The following ATRNL1 variants were observed in gnomAD, a reference collection of about 807,000 sequenced individuals.
ATRNL1 encodes attractin-like protein 1.
Under a neutral mutation model 182.7 loss-of-function variants are expected in ATRNL1, and 95 were observed. That is an observed-to-expected ratio of 0.52 (90% CI 0.44 to 0.62). The LOEUF (loss-of-function observed/expected upper bound fraction) is 0.62. Among genes scored for constraint, ATRNL1 ranks in the 20% least tolerant of loss-of-function variants. ATRNL1 has a pLI of 0.00. For missense variants in ATRNL1, 1,471 were observed against 1,679.5 expected (o/e 0.88, Z 2.17); for synonymous variants, 576 against 568.3 (o/e 1.01, Z -0.19).
chr10:115,630,865 CACACACACAT>C (rs1448588502), intron 26 of ATRNL1, among the ~76,000 whole-genome samples: 347 of 138,944 alleles, frequency 2.5e-3, no homozygotes, highest in East Asian at 0.013. Context: ...CACACACACA[CACACACACAT>C]TGGAATTTTT....
intron 27 of ATRNL1, among the ~76,000 whole-genome samples, chr10:115,805,321 T>C (rs1162932090): frequency 1.3e-5 from 2 of 152,164 alleles, no homozygotes; most frequent in Non-Finnish European, 2.9e-5. Flanking sequence ...CTGCATTTTT[T>C]TGTAAACAAT....
At chr10:115,331,633 T>C (rs1855227412) in intron 18 of ATRNL1, among the ~76,000 whole-genome samples, 1 of 152,212 alleles carries the variant, frequency 6.6e-6, no homozygotes. Context: ...ATATCTTCTT[T>C]ACATGTGTCT....
At chr10:115,405,411 G>A (rs1844768759) in intron 20 of ATRNL1, among the ~76,000 whole-genome samples, 2 of 152,156 alleles carry the variant, frequency 1.3e-5, no homozygotes, top group East Asian at 3.9e-4. Flanking sequence ...ATGTTGTATA[G>A]TTTAGCACTT....
At chr10:115,553,551 T>C (rs1377594191) in intron 26 of ATRNL1, among the ~76,000 whole-genome samples, 1 of 151,356 alleles carries the variant, frequency 6.6e-6, no homozygotes, top group Non-Finnish European at 1.5e-5. Flanking sequence ...CAATGAGGGA[T>C]TGAATTTATG....
intron 1 of ATRNL1, among the ~76,000 whole-genome samples, chr10:115,115,077 G>A (rs1844422603): frequency 6.6e-6 from 1 of 152,100 alleles, no homozygotes; most frequent in Non-Finnish European, 1.5e-5. Flanking sequence ...TGTCATTTGT[G>A]ACAACATAGA....
chr10:115,631,402 G>A (rs539609201), intron 26 of ATRNL1, among the ~76,000 whole-genome samples: 10 of 152,068 alleles, frequency 6.6e-5, no homozygotes, highest in African/African-American at 2.4e-4. Context: ...GTTAAAAAGA[G>A]CCTTAAGATA....
In ATRNL1 at chr10:115,944,736, G is replaced by A. The variant is rs781857655; in HGVS notation, c.4097G>A (p.Arg1366Gln). The A allele has an allele frequency of 1.2e-5, 19 of 1,613,488 alleles. No individual in the cohort carries two copies. The highest frequency in any genetic ancestry group is 1.6e-4 in the Middle Eastern group (1 of 6,084). ...AGTAAAGATAAGACTTCTGGAGTCC[G>A]GAATCGAAAACACCTTTCAACACGT... ...SDSKDKTSGV[R>Q]NRKHLSTRQG... Residue 1366 changes from arginine (R) to glutamine (Q), a missense_variant, in exon 29 of 29, where the codon CGG (arginine) becomes CAG (glutamine). Physicochemically the swap from Arg to Gln is conservative, Grantham distance 43. This residue lies in a region of ATRNL1 where 437 missense variants were observed against 506.0 expected (regional missense o/e 0.86). Transcript: ENST00000355044.
intron 19 of ATRNL1, among the ~76,000 whole-genome samples, chr10:115,350,331 T>G: frequency 5.9e-5 from 2 of 34,038 alleles, no homozygotes; most frequent in Non-Finnish European, 1.4e-4. Context: ...CAAGACTCTG[T>G]CTCAAAAAAA....
chr10:115,355,453 T>C (rs187797965), intron 19 of ATRNL1, among the ~76,000 whole-genome samples: 2 of 152,284 alleles, frequency 1.3e-5, no homozygotes, highest in East Asian at 3.9e-4. Context: ...ATTCCTTTTG[T>C]TATCAGGCAA....
chr10:115,179,635 A>T (rs1002565198), intron 8 of ATRNL1, among the ~76,000 whole-genome samples: 1 of 152,080 alleles, frequency 6.6e-6, no homozygotes, highest in African/African-American at 2.4e-5. Flanking sequence ...TAGAGATTCA[A>T]ATATAACTTT....
intron 8 of ATRNL1, among the ~76,000 whole-genome samples, chr10:115,200,118 C>G (rs1848506003): frequency 6.6e-6 from 1 of 152,000 alleles, no homozygotes; most frequent in Admixed American, 6.6e-5. Context: ...AGAACAAATA[C>G]AGTTCAGTTT....
At chr10:115,611,061 T>C (rs1293143267) in intron 26 of ATRNL1, among the ~76,000 whole-genome samples, 2 of 151,888 alleles carry the variant, frequency 1.3e-5, no homozygotes, top group Non-Finnish European at 2.9e-5. Context: ...GGACTTTTTT[T>C]TTTACTATAT....
At chr10:115,241,777 A>G (rs782238387) in intron 10 of ATRNL1, 52 bp downstream of exon 10, 5 of 1,475,558 alleles carry the variant, frequency 3.4e-6, no homozygotes, top group Admixed American at 1.8e-5. Flanking sequence ...AATTTTCCAT[A>G]TAGATATTCT....
intron 26 of ATRNL1, among the ~76,000 whole-genome samples, chr10:115,584,555 C>A (rs1330487117): frequency 3.6e-5 from 5 of 137,352 alleles, no homozygotes; most frequent in Non-Finnish European, 8.0e-5. Context: ...TTGTAGTATT[C>A]TCTGATGGTA....
chr10:115,738,145 T>TTGTTTTTTTTTTTG (rs1565335147), intron 27 of ATRNL1, among the ~76,000 whole-genome samples: 19 of 111,748 alleles, frequency 1.7e-4, no homozygotes, highest in African/African-American at 5.4e-4. Flanking sequence ...TTTTTTTTTT[T>TTGTTTTTTTTTTTG]TTTTTTTTTT....
intron 19 of ATRNL1, among the ~76,000 whole-genome samples, chr10:115,360,308 G>T (rs1217846451): frequency 3.4e-5 from 5 of 147,162 alleles, no homozygotes; most frequent in Admixed American, 3.4e-4. Context: ...TTTATAAAAT[G>T]GAAAAGTTCT....
intron 26 of ATRNL1, among the ~76,000 whole-genome samples, chr10:115,657,512 GT>G (rs1222460707): frequency 2.0e-5 from 3 of 152,164 alleles, no homozygotes; most frequent in Non-Finnish European, 4.4e-5. Context: ...AATGTACTTA[GT>G]ATTTACATAA....
At chr10:115,448,591 ACATAACAT>A (rs1469531793) in intron 21 of ATRNL1, among the ~76,000 whole-genome samples, 2 of 152,106 alleles carry the variant, frequency 1.3e-5, no homozygotes, top group East Asian at 3.9e-4. Flanking sequence ...CAAATTAACA[ACATAACAT>A]CACAACTGAA....
intron 26 of ATRNL1, among the ~76,000 whole-genome samples, chr10:115,725,343 AT>A (rs140915356): frequency 6.6e-6 from 1 of 152,104 alleles, no homozygotes; most frequent in Non-Finnish European, 1.5e-5. Flanking sequence ...ATGGAACTCT[AT>A]TTTTTGTCAA....
Sources: allele counts gnomAD v4.1 joint callset (sites outside exome capture counted in the v4.1 genomes callset), GRCh38; gene constraint gnomAD v4.1.1; regional missense constraint gnomAD v4.1.1; transcripts MANE v1.5; gene names NCBI Gene and HGNC (gene_info 2026-07-23, HGNC 2026-07-21).